ANO1: variants seen among roughly 807,000 people sequenced by gnomAD.
ANO1 encodes anoctamin-1.
Under a neutral mutation model 124.0 loss-of-function variants are expected in ANO1, and 59 were observed. The observed-to-expected ratio is 0.48, with a 90% CI of 0.39 to 0.59. The LOEUF is 0.59. ANO1 is among the 20% of genes least tolerant of loss of function. The pLI is 0.00. For synonymous variants in ANO1, 529 were observed against 532.0 expected (o/e 0.99, Z 0.08); for missense variants, 1,059 against 1,328.0 (o/e 0.80, Z 3.15).
At chr11:70,130,509 T>C (rs944112224) in intron 10 of ANO1, among the ~76,000 whole-genome samples, 1 of 152,070 alleles carries the variant, frequency 6.6e-6, no homozygotes, top group Non-Finnish European at 1.5e-5. Flanking sequence ...ATTGCAACAG[T>C]CCCCAGTGCT....
rs1382208842 is a variant in ANO1 at position 70,163,166 on chromosome 11, A to T, written c.1893-117A>T. On this transcript the variant is annotated intron_variant, in intron 18 of 25. Coordinates refer to ENST00000355303, the MANE Select transcript of ANO1 (RefSeq NM_018043.7). ...ACCAGGCAGGGAGAGCCGCCTGTAG[A>T]TACCCTCGAGGCTCAGCCTGCAGGA... The T allele has an allele frequency of 3.8e-6, 4 of 1,063,692 alleles. No individual in the cohort carries two copies. In the African/African-American group the frequency reaches 4.8e-5, roughly 13 times the overall value. The allele number at this position is 1,063,692 out of a possible 1,614,324, so 65.9% of individuals were successfully genotyped here. A position where few individuals can be genotyped will look rare whatever the true frequency, so the allele number is the denominator to read the frequency against.
At chr11:69,969,969 C>T in the ANO1 span, among the ~76,000 whole-genome samples, 2 of 147,648 alleles carry the variant, frequency 1.4e-5, no homozygotes, top group Admixed American at 6.9e-5. Flanking sequence ...ACAAACAAAA[C>T]GAAAGAGAGA....
chr11:69,978,049 C>T, the ANO1 span, among the ~76,000 whole-genome samples: 1 of 152,106 alleles, frequency 6.6e-6, no homozygotes, highest in African/African-American at 2.4e-5. Flanking sequence ...CAGCTTGGCC[C>T]GGTGTTTTCT....
intron 1 of ANO1, among the ~76,000 whole-genome samples, chr11:70,065,647 G>T (rs1857698643): frequency 6.6e-6 from 1 of 151,754 alleles, no homozygotes; most frequent in Non-Finnish European, 1.5e-5. Flanking sequence ...CCCCTAGTTG[G>T]CCTGGCCCTC....
chr11:70,033,459 C>G (rs1555004032), intron 1 of ANO1, among the ~76,000 whole-genome samples: 1 of 152,214 alleles, frequency 6.6e-6, no homozygotes, highest in African/African-American at 2.4e-5. Flanking sequence ...CCTCAGTTCC[C>G]TCCAGGCTCC....
intron 11 of ANO1, among the ~76,000 whole-genome samples, chr11:70,138,516 A>G (rs1309154648): frequency 6.6e-6 from 1 of 151,776 alleles, no homozygotes; most frequent in Non-Finnish European, 1.5e-5. Flanking sequence ...CAAAAAAAAA[A>G]AAAAGAAAAG....
intron 1 of ANO1, among the ~76,000 whole-genome samples, chr11:70,022,004 C>A (rs1386051030): frequency 1.3e-5 from 2 of 152,144 alleles, no homozygotes; most frequent in African/African-American, 4.8e-5. Flanking sequence ...CAGATCAGAC[C>A]CAAACTGAGA....
intron 1 of ANO1, among the ~76,000 whole-genome samples, chr11:70,011,265 T>C (rs1856594617): frequency 6.6e-6 from 1 of 151,572 alleles, no homozygotes; most frequent in Non-Finnish European, 1.5e-5. Flanking sequence ...TTGGCTGGAG[T>C]GAGCAGGGGA....
intron 1 of ANO1, among the ~76,000 whole-genome samples, chr11:70,042,837 T>C (rs1246405446): frequency 2.0e-5 from 3 of 152,170 alleles, no homozygotes; most frequent in African/African-American, 4.8e-5. Context: ...GAGCAAACCC[T>C]GAATGGATTC....
chr11:70,157,836 C>T (rs543966903), intron 16 of ANO1, among the ~76,000 whole-genome samples: 41 of 152,086 alleles, frequency 2.7e-4, no homozygotes, highest in African/African-American at 9.4e-4. Flanking sequence ...CAAAAATTAG[C>T]TGGCGTGGTC....
chr11:70,133,917 G>C lies in ANO1; in HGVS notation c.1258+1838G>C, dbSNP rs371877557. Among the ~76,000 whole-genome samples, 286 of 152,340 alleles carry C rather than the reference G, an allele frequency of 1.9e-3. 1 individual carries two copies. The highest frequency in any genetic ancestry group is 0.011 in the South Asian group (52 of 4,826). ...AGCTGGGCCGGGTCCTCTTGCCTCGGCTCACCAACACTGTATCTCATTCCT... is the reference window on the plus strand; with the variant it reads ...AGCTGGGCCGGGTCCTCTTGCCTCGCCTCACCAACACTGTATCTCATTCCT... On this transcript the variant is annotated intron_variant, in intron 11 of 25. Coordinates refer to ENST00000355303, the MANE Select transcript of ANO1 (RefSeq NM_018043.7).
the ANO1 span, among the ~76,000 whole-genome samples, chr11:69,971,441 G>A: frequency 7.2e-5 from 11 of 152,162 alleles, no homozygotes; most frequent in Non-Finnish European, 1.5e-4. Flanking sequence ...ATGATGGCTG[G>A]TGTTTTAACA....
intron 1 of ANO1, among the ~76,000 whole-genome samples, chr11:70,047,090 A>G (rs1387410447): frequency 7.3e-6 from 1 of 137,686 alleles, no homozygotes; most frequent in Non-Finnish European, 1.6e-5. Flanking sequence ...CAAAAAAAAA[A>G]AAAAAAAGAA....
Position 70,188,095 on chromosome 11 carries a change from C to T in ANO1, c.*91C>T. 7.0e-7 allele frequency: 1 copy of T among 1,437,982 alleles called. No individual in the cohort carries two copies. Among genetic ancestry groups the T allele is most frequent in the Non-Finnish European group, 9.2e-7 (1 of 1,085,234 alleles). The allele number at this position is 1,437,982 out of a possible 1,614,324, so 89.1% of individuals were successfully genotyped here. A position where few individuals can be genotyped will look rare whatever the true frequency, so the allele number is the denominator to read the frequency against. On this transcript the variant is annotated 3_prime_UTR_variant, in exon 26 of 26. Coordinates refer to ENST00000355303, the MANE Select transcript of ANO1 (RefSeq NM_018043.7). ...GGCGGCTTCCCGCTCCCACCAGGGC[C>T]CGGTGGGTCCTGGGTTTTCTGCAAA...
intron 1 of ANO1, chr11:70,021,148 C>T (rs982403479): frequency 6.6e-6 from 1 of 152,114 alleles, no homozygotes; most frequent in East Asian, 1.9e-4. Context: ...CAAACGCATG[C>T]CCATAATCCT....
intron 7 of ANO1, among the ~76,000 whole-genome samples, chr11:70,112,028 C>T (rs2045803843): frequency 6.6e-6 from 1 of 152,206 alleles, no homozygotes; most frequent in Admixed American, 6.5e-5. Flanking sequence ...CTCTGAACCT[C>T]GTAGCCAGCG....
intron 10 of ANO1, among the ~76,000 whole-genome samples, chr11:70,130,309 C>T (rs1032607745): frequency 7.2e-5 from 11 of 152,204 alleles, no homozygotes; most frequent in Non-Finnish European, 1.5e-4. Flanking sequence ...GCCAGGGCCA[C>T]GGAGGGTATG....
At position 70,078,647 on chromosome 11, in the gene ANO1, A is replaced by G; in HGVS notation, c.41A>G (p.Asp14Gly). The G allele has an allele frequency of 3.3e-6, 5 of 1,501,692 alleles. No individual in the cohort carries two copies. Among genetic ancestry groups the G allele is most frequent in the Non-Finnish European group, 3.6e-6 (4 of 1,115,462 alleles). 93.0% of individuals were successfully genotyped at this position (1,501,692 alleles called of 1,614,324 possible). ...AAGTACTCGACGCTCCCGGCCGAGG[A>G]CCGCAGCGTCCACATCATCAACATC... Reference protein sequence around the residue: ...NEKYSTLPAEDRSVHIINICA... With the variant: ...NEKYSTLPAEGRSVHIINICA... The change falls in exon 1 of 26, where the codon GAC (aspartate) becomes GGC (glycine). Residue 14 changes from aspartate to glycine, a missense_variant. By Grantham distance (94) the Asp-to-Gly change is moderately conservative. Coordinates refer to ENST00000355303, the MANE Select transcript of ANO1 (RefSeq NM_018043.7).
chr11:70,094,835 G>A (rs2044775633), intron 2 of ANO1, among the ~76,000 whole-genome samples: 1 of 152,298 alleles, frequency 6.6e-6, no homozygotes, highest in South Asian at 2.1e-4. Flanking sequence ...GCTGAGGCGC[G>A]AAACAGATTG....
Sources: gnomAD v4.1 joint callset for allele counts (sites outside exome capture counted in the v4.1 genomes callset) on GRCh38, gnomAD v4.1.1 for gene constraint, MANE v1.5 for transcripts, NCBI Gene and HGNC (gene_info 2026-07-23, HGNC 2026-07-21) for gene names.